Variants in SORCS2 observed in about 807,000 individuals in gnomAD.
SORCS2 encodes VPS10 domain-containing receptor SorCS2.
SORCS2 carries 100 observed loss-of-function variants against 141.6 expected under a neutral mutation model. That is an observed-to-expected ratio of 0.71 (90% CI 0.60 to 0.83). SORCS2 has a LOEUF of 0.83. SORCS2 is among the 40% of genes least tolerant of loss of function. The probability of loss-of-function intolerance (pLI) is 0.00; values close to 1 mark genes in which losing one functional copy is unlikely to be tolerated. For missense variants in SORCS2, 1,646 were observed against 1,560.2 expected, an observed-to-expected ratio of 1.05 and a Z score of -0.93; for synonymous variants, 789 against 676.9, an observed-to-expected ratio of 1.17 and a Z score of -2.57.
At chr4:7,447,479 C>T (rs1192545047) in intron 2 of SORCS2, among the ~76,000 whole-genome samples, 2 of 152,234 alleles carry the variant, frequency 1.3e-5, no homozygotes, top group African/African-American at 4.8e-5. Context: ...CAGGGTTGAC[C>T]TGAATTTACA....
At chr4:7,717,575 T>C (rs564438535) in intron 17 of SORCS2, among the ~76,000 whole-genome samples, 34 of 152,276 alleles carry the variant, frequency 2.2e-4, no homozygotes, top group African/African-American at 7.7e-4. Context: ...TGTGTGCCCA[T>C]GGTTACGGCC....
intron 1 of SORCS2, among the ~76,000 whole-genome samples, chr4:7,387,735 C>T (rs1723514343): frequency 6.8e-6 from 1 of 147,612 alleles, no homozygotes; most frequent in South Asian, 2.1e-4. Context: ...TACACATTTG[C>T]ACACATGCAC....
chr4:7,301,975 C>G (rs1030425926), intron 1 of SORCS2, among the ~76,000 whole-genome samples: 2 of 152,372 alleles, frequency 1.3e-5, no homozygotes, highest in South Asian at 2.1e-4. Context: ...AAATCACTGT[C>G]CCCTACAGTG....
At chr4:7,527,389 A>G (rs540396951) in intron 2 of SORCS2, among the ~76,000 whole-genome samples, 2 of 152,342 alleles carry the variant, frequency 1.3e-5, no homozygotes, top group African/African-American at 2.4e-5. Flanking sequence ...AGCCAGAGGG[A>G]CGTGAGACTG....
At chr4:7,630,741 G>C (rs73074526) in intron 3 of SORCS2, among the ~76,000 whole-genome samples, 2,481 of 152,310 alleles carry the variant, frequency 0.016, 61 homozygotes, top group African/African-American at 0.057. Context: ...TTCAGATCCG[G>C]GGGTGGAGGC....
chr4:7,730,158 C>T (rs1711554427), intron 23 of SORCS2, among the ~76,000 whole-genome samples: 2 of 152,248 alleles, frequency 1.3e-5, no homozygotes, highest in South Asian at 2.1e-4. Flanking sequence ...AAGTAATAGC[C>T]CTCATGGAGG....
intron 1 of SORCS2, among the ~76,000 whole-genome samples, chr4:7,305,379 CT>C (rs1297179996): frequency 9.9e-6 from 1 of 101,162 alleles, no homozygotes; most frequent in East Asian, 2.6e-4. Context: ...TTTTTTTTTT[CT>C]TGGAACACTA....
At chr4:7,635,629 C>T (rs1040750548) in intron 3 of SORCS2, among the ~76,000 whole-genome samples, 3 of 152,172 alleles carry the variant, frequency 2.0e-5, no homozygotes, top group Non-Finnish European at 4.4e-5. Context: ...TATTCATGAG[C>T]ACATAAGCTC....
chr4:7,465,695 C>T (rs1729573855), intron 2 of SORCS2, among the ~76,000 whole-genome samples: 1 of 152,206 alleles, frequency 6.6e-6, no homozygotes, highest in Non-Finnish European at 1.5e-5. Flanking sequence ...GTCCTACTCA[C>T]CAAGGACAAT....
chr4:7,698,388 G>A (rs771305373), intron 12 of SORCS2, among the ~76,000 whole-genome samples: 4 of 152,202 alleles, frequency 2.6e-5, no homozygotes, highest in Non-Finnish European at 5.9e-5. Context: ...CTGGGTTGAA[G>A]GCCTTGACGT....
intron 3 of SORCS2, among the ~76,000 whole-genome samples, chr4:7,624,760 G>A (rs977880241): frequency 1.3e-5 from 2 of 152,212 alleles, no homozygotes; most frequent in Admixed American, 6.5e-5. Context: ...AGAATTAGCC[G>A]TCTGCTGCAC....
chr4:7,726,895 G>T lies in SORCS2; in HGVS notation c.2861G>T (p.Arg954Leu). Residue 954 changes from arginine to leucine, a missense_variant, in exon 21 of 27, where the codon CGT becomes CTT. Coordinates refer to ENST00000507866, the MANE Select transcript of SORCS2 (RefSeq NM_020777.3). ...NSVLQDSRVL[R>L]VLDQFQVMPL... ...GTGCTGCAGGACTCCAGGGTCCTCC[G>T]TGTGCTGGGTAAGTACTTCCTGGGG... The T allele has an allele frequency of 1.2e-6, 2 of 1,613,046 alleles. No individual in the cohort carries two copies. Among genetic ancestry groups the T allele is most frequent in the Non-Finnish European group, 8.5e-7 (1 of 1,179,278 alleles).
At chr4:7,401,360 C>T (rs1409969263) in intron 2 of SORCS2, among the ~76,000 whole-genome samples, 1 of 151,410 alleles carries the variant, frequency 6.6e-6, no homozygotes, top group East Asian at 1.9e-4. Context: ...GATGGATGGA[C>T]AGATGGATGG....
chr4:7,362,725 G>A (rs1407152302), intron 1 of SORCS2, among the ~76,000 whole-genome samples: 1 of 150,876 alleles, frequency 6.6e-6, no homozygotes, highest in East Asian at 1.9e-4. Context: ...ATTACCACCA[G>A]CACTATCACC....
At position 7,569,339 on chromosome 4, in the gene SORCS2, C is replaced by T. The variant is rs567025506; in HGVS notation, c.648+37710C>T. On this transcript the variant is annotated intron_variant, in intron 3 of 26. Coordinates refer to ENST00000507866, the MANE Select transcript of SORCS2 (RefSeq NM_020777.3). ...CAGCCTGGCCAACATGGTGAAACCCCGTCTCTACTAAAGATACAAAAAATT... is the reference window on the plus strand; with the variant it reads ...CAGCCTGGCCAACATGGTGAAACCCTGTCTCTACTAAAGATACAAAAAATT... 4.6e-5 allele frequency among the ~76,000 whole-genome samples: 7 copies of T among 152,238 alleles called. No individual in the cohort carries two copies. In the East Asian group the frequency reaches 5.8e-4, roughly 13 times the overall value.
chr4:7,634,787 C>A (rs1238544362), intron 3 of SORCS2, among the ~76,000 whole-genome samples: 1 of 152,198 alleles, frequency 6.6e-6, no homozygotes, highest in African/African-American at 2.4e-5. Flanking sequence ...AAGGGCAGTG[C>A]CATCAGTGAC....
chr4:7,319,317 A>G (rs529924698), intron 1 of SORCS2, among the ~76,000 whole-genome samples: 1 of 152,272 alleles, frequency 6.6e-6, no homozygotes, highest in East Asian at 1.9e-4. Context: ...AGTCCTTCTA[A>G]TCATGAATCG....
At chr4:7,606,865 AT>A (rs750528403) in intron 3 of SORCS2, among the ~76,000 whole-genome samples, 40 of 152,112 alleles carry the variant, frequency 2.6e-4, no homozygotes, top group Non-Finnish European at 4.9e-4. Context: ...TGCACCCATA[AT>A]TACTTTTGCA....
At position 7,443,978 on chromosome 4, in the gene SORCS2, G is replaced by A. The variant is rs529630795; in HGVS notation, c.548+47623G>A. Among the ~76,000 whole-genome samples, 15 of 152,330 alleles carry A rather than the reference G, an allele frequency of 9.8e-5. No homozygotes were observed. The East Asian group carries it at 2.9e-3, about 29-fold the overall frequency. ...GTCCACCTGACCCCAAAAGCTCCTT[G>A]AGCGAGTTGGGAGTGCCTCACCCAC... is the stretch of plus-strand genomic sequence containing the variant. On this transcript the variant is annotated intron_variant, in intron 2 of 26. Transcript: ENST00000507866.
Sources: allele counts gnomAD v4.1 joint callset (sites outside exome capture counted in the v4.1 genomes callset), GRCh38; gene constraint gnomAD v4.1.1; transcripts MANE v1.5; gene names NCBI Gene and HGNC (gene_info 2026-07-23, HGNC 2026-07-21).